The following GPR19 variants were observed in gnomAD, a reference collection of about 807,000 sequenced individuals.
GPR19 encodes G protein-coupled receptor 19.
GPR19 carries 14 observed loss-of-function variants against 28.5 expected under a neutral mutation model. The ratio of observed to expected loss-of-function variants is 0.49; its 90% CI spans 0.32 to 0.77. The LOEUF (loss-of-function observed/expected upper bound fraction) is 0.77. Among genes scored for constraint, GPR19 ranks in the 30% least tolerant of loss-of-function variants. The probability of loss-of-function intolerance (pLI) is 0.03; values close to 1 mark genes in which losing one functional copy is unlikely to be tolerated. For synonymous variants in GPR19, 173 were observed against 184.1 expected, an observed-to-expected ratio of 0.94 and a Z score of 0.49; for missense variants, 409 against 504.1, an observed-to-expected ratio of 0.81 and a Z score of 1.81.
intron 3 of GPR19, among the ~76,000 whole-genome samples, chr12:12,665,818 T>TAAAAAAAAAA (rs1945765409): frequency 4.2e-5 from 1 of 24,082 alleles, no homozygotes; most frequent in Non-Finnish European, 6.2e-5. Context: ...AGACTCCGTC[T>TAAAAAAAAAA]CAAAAAAAAA....
intron 3 of GPR19, among the ~76,000 whole-genome samples, chr12:12,671,023 C>G (rs375707589): frequency 6.6e-6 from 1 of 151,896 alleles, no homozygotes; most frequent in African/African-American, 2.4e-5. Context: ...TAAATTATTT[C>G]CATTAGAGGC....
rs1945694610 is a variant in GPR19 at position 12,662,476 on chromosome 12, TG to T, written c.-22-7del. On this transcript the variant is annotated splice_region_variant and splice_polypyrimidine_tract_variant and intron_variant, in intron 3 of 3. Transcript: ENST00000651487. ...TCACTTTTTTTCTCTTAATTCTGGT[TG>T]GGGAAAAGAAGAATGAGGCCTCCTG... 1 of 1,602,982 alleles carries T rather than the reference TG, an allele frequency of 6.2e-7. No individual in the cohort carries two copies. Among genetic ancestry groups the T allele is most frequent in the Non-Finnish European group, 8.5e-7 (1 of 1,173,648 alleles).
intron 3 of GPR19, among the ~76,000 whole-genome samples, chr12:12,680,461 T>A (rs1417883420): frequency 6.6e-6 from 1 of 152,164 alleles, no homozygotes; most frequent in Non-Finnish European, 1.5e-5. Flanking sequence ...GGAAAATGAC[T>A]CCACAAACAG....
intron 3 of GPR19, among the ~76,000 whole-genome samples, chr12:12,668,078 C>G (rs903919224): frequency 2.0e-5 from 3 of 152,134 alleles, no homozygotes; most frequent in Non-Finnish European, 4.4e-5. Flanking sequence ...AGAGCTGAGA[C>G]ATTGTGAAGA....
chr12:12,677,325 G>A (rs977217713), intron 3 of GPR19, among the ~76,000 whole-genome samples: 1 of 151,566 alleles, frequency 6.6e-6, no homozygotes. Context: ...TCATGCCTCA[G>A]CCTCCTGAAT....
At chr12:12,694,452 C>T (rs988916179) in intron 2 of GPR19, among the ~76,000 whole-genome samples, 4 of 151,514 alleles carry the variant, frequency 2.6e-5, no homozygotes, top group Admixed American at 1.3e-4. Flanking sequence ...GTGATCCGAC[C>T]GCCTCAGCCT....
chr12:12,668,586 G>T (rs1220122059), intron 3 of GPR19, among the ~76,000 whole-genome samples: 1 of 151,432 alleles, frequency 6.6e-6, no homozygotes, highest in African/African-American at 2.4e-5. Context: ...ATTCTCACAA[G>T]GTATAAAGAC....
intron 3 of GPR19, among the ~76,000 whole-genome samples, chr12:12,672,897 A>C (rs1213372441): frequency 6.6e-6 from 1 of 152,266 alleles, no homozygotes; most frequent in Non-Finnish European, 1.5e-5. Flanking sequence ...CACAGACATT[A>C]TAATAACTAG....
At chr12:12,682,607 G>GA (rs1946038189) in intron 3 of GPR19, among the ~76,000 whole-genome samples, 1 of 152,172 alleles carries the variant, frequency 6.6e-6, no homozygotes, top group African/African-American at 2.4e-5. Context: ...ACTTGTTCCA[G>GA]AAAAATGTAG....
At chr12:12,710,100 C>T in the GPR19 span, among the ~76,000 whole-genome samples, 384 of 152,122 alleles carry the variant, frequency 2.5e-3, 1 homozygote, top group African/African-American at 8.3e-3. Context: ...ACCTGTAATC[C>T]CAGCAACTGG....
At chr12:12,665,814 C>T (rs1160088923) in intron 3 of GPR19, among the ~76,000 whole-genome samples, 2 of 82,800 alleles carry the variant, frequency 2.4e-5, no homozygotes, top group Non-Finnish European at 2.1e-5. Context: ...AGCCAGACTC[C>T]GTCTCAAAAA....
At chr12:12,714,057 C>CA in the GPR19 span, among the ~76,000 whole-genome samples, 2 of 152,146 alleles carry the variant, frequency 1.3e-5, no homozygotes, top group African/African-American at 4.8e-5. Flanking sequence ...TCTGTGTTCC[C>CA]AGAGCCTAAG....
chr12:12,660,961 T>C lies in GPR19; in HGVS notation c.*240A>G. On this transcript the variant is annotated 3_prime_UTR_variant, in exon 4 of 4. Transcript: ENST00000651487. ...AAGAAAGCATTTTCTTTTTTATGCA[T>C]GTAACTAATATATTAATAGTAAAAG... 1 of 387,534 alleles carries C rather than the reference T, an allele frequency of 2.6e-6. No individual in the cohort carries two copies. Among genetic ancestry groups the C allele is most frequent in the Non-Finnish European group, 4.6e-6 (1 of 218,978 alleles). The allele number at this position is 387,534 out of a possible 1,614,324, so 24.0% of individuals were successfully genotyped here.
At chr12:12,677,483 G>T (rs1945949756) in intron 3 of GPR19, among the ~76,000 whole-genome samples, 2 of 151,722 alleles carry the variant, frequency 1.3e-5, no homozygotes, top group African/African-American at 4.8e-5. Context: ...CACCATGTTG[G>T]CCAGGTTGGT....
chr12:12,701,432 T>C, the GPR19 span, among the ~76,000 whole-genome samples: 2 of 152,190 alleles, frequency 1.3e-5, no homozygotes, highest in South Asian at 4.1e-4. Flanking sequence ...ATCTGGCATA[T>C]AAAGCTTTTA....
the GPR19 span, among the ~76,000 whole-genome samples, chr12:12,709,316 C>G: frequency 2.0e-5 from 3 of 152,104 alleles, no homozygotes; most frequent in Non-Finnish European, 2.9e-5. Flanking sequence ...TTTGGTTGCT[C>G]GGGGCTGTCT....
At chr12:12,685,448 G>C (rs1946082051) in intron 2 of GPR19, among the ~76,000 whole-genome samples, 1 of 152,190 alleles carries the variant, frequency 6.6e-6, no homozygotes. Context: ...CAGGGAGGGA[G>C]CCTGCTTGGA....
intron 3 of GPR19, among the ~76,000 whole-genome samples, chr12:12,666,166 CAT>C (rs1188474489): frequency 6.6e-6 from 1 of 152,064 alleles, no homozygotes. Context: ...CCCTCAGAAA[CAT>C]AGTTTCCTTC....
intron 3 of GPR19, among the ~76,000 whole-genome samples, chr12:12,676,223 G>C (rs1001271476): frequency 6.6e-6 from 1 of 152,052 alleles, no homozygotes; most frequent in African/African-American, 2.4e-5. Context: ...AAGAGACCCC[G>C]GTCTTATTTT....
Sources: allele counts gnomAD v4.1 joint callset (sites outside exome capture counted in the v4.1 genomes callset), GRCh38; gene constraint gnomAD v4.1.1; transcripts MANE v1.5; gene names NCBI Gene and HGNC (gene_info 2026-07-23, HGNC 2026-07-21).